The following IL1RAPL2 variants were observed in gnomAD, a reference collection of about 807,000 sequenced individuals.
The protein encoded by IL1RAPL2 is interleukin 1 receptor accessory protein like 2.
In IL1RAPL2, 3 loss-of-function variants were observed where a neutral mutation model predicts 44.1. The ratio of observed to expected loss-of-function variants is 0.07; its 90% CI spans 0.03 to 0.18. IL1RAPL2 has a LOEUF of 0.18. Ranked by LOEUF, IL1RAPL2 falls within the 10% of genes least tolerant of loss-of-function variation. The probability of loss-of-function intolerance (pLI) is 1.00; values close to 1 mark genes in which losing one functional copy is unlikely to be tolerated. For missense variants in IL1RAPL2, 391 were observed against 496.4 expected (o/e 0.79, Z 2.02); for synonymous variants, 181 against 178.8 (o/e 1.01, Z -0.10).
intron 6 of IL1RAPL2, among the ~76,000 whole-genome samples, chrX:105,601,334 A>G (rs2037250610): frequency 9.0e-6 from 1 of 111,284 alleles, no homozygotes; most frequent in African/African-American, 3.3e-5. Context: ...CTTCACAAAG[A>G]AGGACCAAAA....
At chrX:105,095,458 G>A (rs2032593376) in intron 2 of IL1RAPL2, among the ~76,000 whole-genome samples, 1 of 111,584 alleles carries the variant, frequency 9.0e-6, no homozygotes. Flanking sequence ...ATATTACAAA[G>A]CTACAGTAAT....
At chrX:104,635,174 A>T (rs1929764953) in intron 1 of IL1RAPL2, among the ~76,000 whole-genome samples, 1 of 111,052 alleles carries the variant, frequency 9.0e-6, no homozygotes, top group Non-Finnish European at 1.9e-5. Flanking sequence ...ATTGGCCCCC[A>T]CTCTCTTCTG....
intron 6 of IL1RAPL2, among the ~76,000 whole-genome samples, chrX:105,512,408 A>G (rs1485870150): frequency 1.8e-5 from 2 of 111,466 alleles, no homozygotes; most frequent in Non-Finnish European, 1.9e-5. Flanking sequence ...TGGTACTTCA[A>G]CTGTGGCTTT....
At chrX:104,774,227 G>T (rs189499382) in intron 2 of IL1RAPL2, among the ~76,000 whole-genome samples, 6 of 111,752 alleles carry the variant, frequency 5.4e-5, no homozygotes, top group African/African-American at 2.0e-4. Context: ...CCAGGGTAAC[G>T]GGAACATATC....
intron 1 of IL1RAPL2, among the ~76,000 whole-genome samples, chrX:104,603,520 A>G (rs952461244): frequency 1.8e-5 from 2 of 111,901 alleles, no homozygotes; most frequent in African/African-American, 3.3e-5. Context: ...CTAAAGGAGC[A>G]TGTTCTAACC....
In IL1RAPL2 at chrX:105,233,805, TCTGTTC is replaced by T; in HGVS notation, c.357-10_357-5del. ...CCCAATAAAGCCATTTTGTTATTTCTCTGTTCCTACAGAAACTCAACATATTGCATG... is the reference window on the plus strand; with the variant it reads ...CCCAATAAAGCCATTTTGTTATTTCTCTACAGAAACTCAACATATTGCATG... On this transcript the variant is annotated splice_region_variant and splice_polypyrimidine_tract_variant and intron_variant, in intron 3 of 10. Coordinates refer to ENST00000372582, the MANE Select transcript of IL1RAPL2 (RefSeq NM_017416.2). 8.4e-7 allele frequency: 1 copy of T among 1,188,188 alleles called. No individual in the cohort carries two copies. Among genetic ancestry groups the T allele is most frequent in the Non-Finnish European group, 1.1e-6 (1 of 880,101 alleles).
intron 6 of IL1RAPL2, among the ~76,000 whole-genome samples, chrX:105,692,669 GA>G (rs11298771): frequency 0.47 from 45,785 of 98,288 alleles, 9,618 homozygotes; most frequent in African/African-American, 0.76. Flanking sequence ...AATGCTGAAT[GA>G]AAAAAAAAAA....
At chrX:105,555,300 C>A (rs2036889226) in intron 6 of IL1RAPL2, among the ~76,000 whole-genome samples, 1 of 111,306 alleles carries the variant, frequency 9.0e-6, no homozygotes, top group East Asian at 2.8e-4. Context: ...TATTTGGGTT[C>A]TCCTGCACTG....
intron 2 of IL1RAPL2, among the ~76,000 whole-genome samples, chrX:105,034,297 G>A (rs1260290841): frequency 1.8e-5 from 2 of 112,075 alleles, no homozygotes; most frequent in Admixed American, 9.5e-5. Context: ...GAGGAGAGGT[G>A]CTCTGCTTTC....
intron 6 of IL1RAPL2, among the ~76,000 whole-genome samples, chrX:105,560,776 G>A (rs892663460): frequency 9.1e-6 from 1 of 109,929 alleles, no homozygotes; most frequent in African/African-American, 3.3e-5. Flanking sequence ...ACATATTTAT[G>A]GAGTACGGTG....
chrX:105,663,391 G>A (rs1239539485), intron 6 of IL1RAPL2, among the ~76,000 whole-genome samples: 1 of 111,957 alleles, frequency 8.9e-6, no homozygotes, highest in Non-Finnish European at 1.9e-5. Context: ...GCCATTCCCA[G>A]TTGAGAGAAA....
intron 2 of IL1RAPL2, among the ~76,000 whole-genome samples, chrX:105,082,762 C>A (rs1451924442): frequency 9.0e-6 from 1 of 111,716 alleles, no homozygotes; most frequent in African/African-American, 3.3e-5. Flanking sequence ...TCAACATAAA[C>A]AAAAGTACGT....
intron 2 of IL1RAPL2, among the ~76,000 whole-genome samples, chrX:105,099,304 A>G (rs2032641106): frequency 9.0e-6 from 1 of 110,832 alleles, no homozygotes; most frequent in Non-Finnish European, 1.9e-5. Flanking sequence ...GAATTGACTT[A>G]TGGTCCTGCA....
intron 6 of IL1RAPL2, among the ~76,000 whole-genome samples, chrX:105,612,596 G>A (rs1404747311): frequency 8.9e-6 from 1 of 112,369 alleles, no homozygotes; most frequent in Non-Finnish European, 1.9e-5. Flanking sequence ...ATCTCTGAAA[G>A]AGGCGCTGGA....
intron 5 of IL1RAPL2, among the ~76,000 whole-genome samples, chrX:105,447,108 A>ATATATGAATAT (rs2035963967): frequency 1.5e-4 from 3 of 20,587 alleles, no homozygotes; most frequent in African/African-American, 7.1e-4. Flanking sequence ...TATATATATA[A>ATATATGAATAT]AAATATATAT....
intron 2 of IL1RAPL2, among the ~76,000 whole-genome samples, chrX:104,972,061 A>G (rs1209448389): frequency 1.8e-5 from 2 of 111,520 alleles, no homozygotes; most frequent in Non-Finnish European, 3.8e-5. Context: ...CTTTGCTTCC[A>G]AGTTGGGTCC....
intron 2 of IL1RAPL2, among the ~76,000 whole-genome samples, chrX:105,148,723 A>T (rs1056896835): frequency 2.7e-5 from 3 of 111,743 alleles, no homozygotes; most frequent in African/African-American, 9.8e-5. Flanking sequence ...TTATCTCAAT[A>T]TTTGTGTCCC....
intron 2 of IL1RAPL2, among the ~76,000 whole-genome samples, chrX:104,697,508 T>G (rs1302136517): frequency 8.9e-6 from 1 of 112,185 alleles, no homozygotes; most frequent in Non-Finnish European, 1.9e-5. Context: ...CTAAGCAACA[T>G]TTCACAAAAC....
intron 5 of IL1RAPL2, among the ~76,000 whole-genome samples, chrX:105,335,809 CA>C (rs1466167644): frequency 9.0e-6 from 1 of 111,435 alleles, no homozygotes; most frequent in Non-Finnish European, 1.9e-5. Context: ...ACCTAGAAAG[CA>C]CAAACTAAGC....
Sources: allele counts gnomAD v4.1 joint callset (sites outside exome capture counted in the v4.1 genomes callset), GRCh38; gene constraint gnomAD v4.1.1; transcripts MANE v1.5; gene names NCBI Gene and HGNC (gene_info 2026-07-23, HGNC 2026-07-21).